NDUFAF2: variants seen among roughly 807,000 people sequenced by gnomAD.
The protein encoded by NDUFAF2 is NADH:ubiquinone oxidoreductase complex assembly factor 2, also known as NADH dehydrogenase [ubiquinone] 1 alpha subcomplex assembly factor 2.
NDUFAF2 carries 13 observed loss-of-function variants against 22.8 expected under a neutral mutation model. The ratio of observed to expected loss-of-function variants is 0.57; its 90% CI spans 0.37 to 0.91. The LOEUF (loss-of-function observed/expected upper bound fraction) is 0.91, where lower values mean the gene tolerates loss of function less well. Ranked by LOEUF, NDUFAF2 falls within the 40% of genes least tolerant of loss-of-function variation. The pLI, the probability that NDUFAF2 is intolerant of heterozygous loss-of-function variation, is 0.01. For missense variants in NDUFAF2, 162 were observed against 195.2 expected (o/e 0.83, Z 1.01); for synonymous variants, 53 against 64.2 (o/e 0.83, Z 0.84).
intron 1 of NDUFAF2, among the ~76,000 whole-genome samples, chr5:60,966,069 G>A (rs998785409): frequency 2.0e-5 from 3 of 152,056 alleles, no homozygotes; most frequent in African/African-American, 7.2e-5. Context: ...ATTCGAATAG[G>A]TGCGAAGGTA....
chr5:61,016,460 G>A (rs2112600787), intron 1 of NDUFAF2, among the ~76,000 whole-genome samples: 1 of 152,262 alleles, frequency 6.6e-6, no homozygotes, highest in Middle Eastern at 3.4e-3. Context: ...CTGGTAGGTG[G>A]CAGCCATGTA....
intron 1 of NDUFAF2, among the ~76,000 whole-genome samples, chr5:60,983,909 T>G (rs1424760415): frequency 6.6e-6 from 1 of 152,194 alleles, no homozygotes; most frequent in Non-Finnish European, 1.5e-5. Flanking sequence ...ATATGAACTT[T>G]AAAGTAGTTT....
intron 3 of NDUFAF2, among the ~76,000 whole-genome samples, chr5:61,117,299 G>A (rs561095884): frequency 1.3e-5 from 2 of 152,240 alleles, no homozygotes; most frequent in Admixed American, 1.3e-4. Context: ...TTTGAGAAGA[G>A]GCAACTATTA....
intron 1 of NDUFAF2, among the ~76,000 whole-genome samples, chr5:60,950,404 C>T (rs186855923): frequency 1.1e-4 from 16 of 152,086 alleles, no homozygotes; most frequent in Non-Finnish European, 1.8e-4. Context: ...AGGCTGGTCT[C>T]GAACTCCTGA....
At chr5:61,109,761 C>T (rs550182743) in intron 3 of NDUFAF2, among the ~76,000 whole-genome samples, 1 of 152,302 alleles carries the variant, frequency 6.6e-6, no homozygotes, top group South Asian at 2.1e-4. Flanking sequence ...CACACACCCT[C>T]TCTTGCCTGC....
At chr5:61,130,467 G>A (rs560760012) in intron 3 of NDUFAF2, among the ~76,000 whole-genome samples, 7 of 152,118 alleles carry the variant, frequency 4.6e-5, no homozygotes, top group Non-Finnish European at 8.8e-5. Context: ...TTATTGAACC[G>A]GAAGAATTTC....
chr5:61,073,353 T>C, intron 2 of NDUFAF2, 139 bp downstream of exon 2: 1 of 701,194 alleles, frequency 1.4e-6, no homozygotes, highest in Non-Finnish European at 2.5e-6. Context: ...ACTTTGTTTT[T>C]TTAACATTGC....
At chr5:61,038,461 A>G (rs1168612796) in intron 1 of NDUFAF2, among the ~76,000 whole-genome samples, 4 of 152,192 alleles carry the variant, frequency 2.6e-5, no homozygotes, top group Non-Finnish European at 5.9e-5. Flanking sequence ...CTCATTGGTC[A>G]CACCTGTAAA....
intron 2 of NDUFAF2, among the ~76,000 whole-genome samples, chr5:61,095,407 A>G (rs945139337): frequency 2.6e-5 from 4 of 152,300 alleles, no homozygotes; most frequent in Admixed American, 2.6e-4. Flanking sequence ...AGGGGGCGAC[A>G]CTGTTGCCAG....
intron 3 of NDUFAF2, among the ~76,000 whole-genome samples, chr5:61,136,003 CTT>C (rs1319545653): frequency 1.7e-5 from 1 of 57,658 alleles, no homozygotes; most frequent in Non-Finnish European, 3.1e-5. Flanking sequence ...CTAAGCCTGT[CTT>C]TATATATATA....
intron 1 of NDUFAF2, among the ~76,000 whole-genome samples, chr5:61,016,059 G>A (rs960909364): frequency 1.1e-4 from 17 of 152,034 alleles, no homozygotes; most frequent in Admixed American, 1.1e-3. Flanking sequence ...GGTGGTGCAC[G>A]CCTTCAATCC....
intron 1 of NDUFAF2, among the ~76,000 whole-genome samples, chr5:60,992,730 C>T (rs1421893672): frequency 6.6e-6 from 1 of 152,094 alleles, no homozygotes; most frequent in Non-Finnish European, 1.5e-5. Context: ...TGAAACCCCT[C>T]AGCTTTTTTT....
chr5:61,059,194 T>G (rs1171386393), intron 1 of NDUFAF2, among the ~76,000 whole-genome samples: 1 of 152,096 alleles, frequency 6.6e-6, no homozygotes, highest in East Asian at 1.9e-4. Context: ...CTTCTTAGAT[T>G]AATGCAATAG....
chr5:61,132,025 A>G (rs1753118497), intron 3 of NDUFAF2, among the ~76,000 whole-genome samples: 1 of 152,168 alleles, frequency 6.6e-6, no homozygotes, highest in Admixed American at 6.5e-5. Context: ...GCAAATATGT[A>G]CTCCCACACT....
Position 61,045,856 on chromosome 5 carries a change from T to C in NDUFAF2, c.128-27269T>C, listed in dbSNP as rs531408128. On this transcript the variant is annotated intron_variant, in intron 1 of 3. Transcript: ENST00000296597. ...TCTTTCTAGGACTTCCAGTATTATA[T>C]TGAATAGAAGTGGTGAGAGTGGGTA... Among the ~76,000 whole-genome samples the C allele has an allele frequency of 9.5e-4, 144 of 152,280 alleles. 5 individuals carry two copies. In the South Asian group the frequency reaches 0.027, roughly 29 times the overall value.
chr5:61,135,063 A>C (rs1561136313), intron 3 of NDUFAF2, among the ~76,000 whole-genome samples: 1 of 152,036 alleles, frequency 6.6e-6, no homozygotes, highest in Non-Finnish European at 1.5e-5. Flanking sequence ...CTTATAGCAT[A>C]AAAGAAATTA....
chr5:60,983,411 C>G (rs1751016519), intron 1 of NDUFAF2, among the ~76,000 whole-genome samples: 2 of 103,112 alleles, frequency 1.9e-5, no homozygotes, highest in African/African-American at 7.0e-5. Flanking sequence ...TTAATTAGAT[C>G]CCATTTGTCA....
At chr5:61,095,124 A>G (rs1752622083) in intron 2 of NDUFAF2, among the ~76,000 whole-genome samples, 1 of 152,182 alleles carries the variant, frequency 6.6e-6, no homozygotes, top group Admixed American at 6.5e-5. Context: ...GCTCTGTCTC[A>G]GGAAGTTCTC....
intron 1 of NDUFAF2, among the ~76,000 whole-genome samples, chr5:61,060,098 C>T (rs1752145442): frequency 6.6e-6 from 1 of 152,092 alleles, no homozygotes; most frequent in Non-Finnish European, 1.5e-5. Flanking sequence ...AAGTTAACTA[C>T]CCTATACCTT....
Sources: allele counts gnomAD v4.1 joint callset (sites outside exome capture counted in the v4.1 genomes callset), GRCh38; gene constraint gnomAD v4.1.1; transcripts MANE v1.5; gene names NCBI Gene and HGNC (gene_info 2026-07-23, HGNC 2026-07-21).